ZNF335: variants seen among roughly 807,000 people sequenced by gnomAD.
The protein encoded by ZNF335 is zinc finger protein 335.
In ZNF335, 84 loss-of-function variants were observed where a neutral mutation model predicts 145.6. The observed-to-expected ratio is 0.58, with a 90% CI of 0.48 to 0.69. ZNF335 has a LOEUF of 0.69. Among genes scored for constraint, ZNF335 ranks in the 30% least tolerant of loss-of-function variants. The probability of loss-of-function intolerance (pLI) is 0.00; values close to 1 mark genes in which losing one functional copy is unlikely to be tolerated. For synonymous variants in ZNF335, 761 were observed against 717.0 expected (o/e 1.06, Z -0.98); for missense variants, 1,865 against 1,809.7 (o/e 1.03, Z -0.55).
At position 45,972,046 on chromosome 20, in the gene ZNF335, C is replaced by G. The variant is rs2084083311; in HGVS notation, c.-51+76G>C. On this transcript the variant is annotated intron_variant, in intron 1 of 27. Transcript: ENST00000322927. ...CAGCCCCGCCGGCCTGGGACCTCGCCTCCGGGTATCCCCGCAGTGTGACCT... is the reference window on the plus strand; with the variant it reads ...CAGCCCCGCCGGCCTGGGACCTCGCGTCCGGGTATCCCCGCAGTGTGACCT... The G allele has an allele frequency of 4.0e-6, 5 of 1,257,826 alleles. No homozygotes were observed. The Admixed American group carries it at 1.2e-4, about 31-fold the overall frequency. 77.9% of individuals were successfully genotyped at this position (1,257,826 alleles called of 1,614,324 possible).
chr20:45,971,688 T>C, intron 1 of ZNF335: 7 of 985,430 alleles, frequency 7.1e-6, no homozygotes, highest in Non-Finnish European at 8.4e-6. Context: ...TGGCTGGTAA[T>C]CTTGACCCTT....
chr20:45,967,352 G>A (rs1224880094), intron 6 of ZNF335, 142 bp downstream of exon 6: 1 of 1,331,730 alleles, frequency 7.5e-7, no homozygotes, highest in Non-Finnish European at 1.0e-6. Context: ...TGGTCCCAGA[G>A]CACAACCTCC....
chr20:45,948,914 C>G lies in ZNF335; in HGVS notation c.*39G>C, dbSNP rs368180199. The G allele has an allele frequency of 6.2e-6, 10 of 1,613,098 alleles. No individual in the cohort carries two copies. In the African/African-American group the frequency reaches 6.7e-5, roughly 11 times the overall value. Reference sequence around the variant, plus strand: ...TGGTGGCCCCCTACCCCCAGGAGAGCTGGCCGCAAATCCATGATCTGTGTT... The same window carrying G: ...TGGTGGCCCCCTACCCCCAGGAGAGGTGGCCGCAAATCCATGATCTGTGTT... On this transcript the variant is annotated 3_prime_UTR_variant, in exon 28 of 28. Coordinates refer to ENST00000322927, the MANE Select transcript of ZNF335 (RefSeq NM_022095.4).
intron 17 of ZNF335, 23 bp downstream of exon 17, chr20:45,957,563 G>A: frequency 1.2e-6 from 2 of 1,607,512 alleles, no homozygotes. Flanking sequence ...CTGGGAAGGG[G>A]AGCAGGTTCC....
rs190178539 is a variant in ZNF335 at position 45,959,269 on chromosome 20, T to A, written c.2185A>T (p.Ile729Phe). The A allele has an allele frequency of 6.0e-4, 909 of 1,523,444 alleles. 2 individuals are homozygous for A. The highest frequency in any genetic ancestry group is 4.0e-3 in the Middle Eastern group (23 of 5,694). The allele number at this position is 1,523,444 out of a possible 1,614,324, so 94.4% of individuals were successfully genotyped here. The change falls in exon 15 of 28, where the codon ATT becomes TTT. Residue 729 changes from isoleucine (I) to phenylalanine (F), a missense_variant. Ile to Phe is a conservative substitution (Grantham distance 21, BLOSUM62 0). Coordinates refer to ENST00000322927, the MANE Select transcript of ZNF335 (RefSeq NM_022095.4). The stretch of plus-strand genomic sequence containing the variant: ...CTGTGCTGCTGCTTCAGCTCCTCAA[T>A]CTGCTGCAGAGAGAAGAAGGGGCGA... ...RRRPFFSLQQ[I>F]EELKQQHSAA...
intron 4 of ZNF335, 106 bp downstream of exon 4, chr20:45,968,179 A>G: frequency 1.3e-6 from 2 of 1,496,104 alleles, no homozygotes; most frequent in Non-Finnish European, 1.8e-6. Context: ...GACCCAGAGC[A>G]GTGGATACCC....
In ZNF335 at chr20:45,963,720, C is replaced by G. The variant is rs778769594; in HGVS notation, c.1355+18G>C. The G allele has an allele frequency of 6.2e-7, 1 of 1,614,144 alleles. No homozygotes were observed. Among genetic ancestry groups the G allele is most frequent in the Non-Finnish European group, 8.5e-7 (1 of 1,179,978 alleles). The stretch of plus-strand genomic sequence containing the variant: ...CTTAACCACATGCATGCCCCACCCT[C>G]ACCTCTGCTCCACATACTTGCGGTA... On this transcript the variant is annotated intron_variant, in intron 8 of 27. Transcript: ENST00000322927.
intron 3 of ZNF335, chr20:45,968,921 C>T (rs2084008132): frequency 6.4e-6 from 1 of 155,058 alleles, no homozygotes; most frequent in Non-Finnish European, 1.4e-5. Context: ...TCCCAGCTAC[C>T]CTGGAGGCTG....
At chr20:45,956,248 T>A (rs974425808) in intron 17 of ZNF335, among the ~76,000 whole-genome samples, 4 of 151,712 alleles carry the variant, frequency 2.6e-5, no homozygotes, top group Non-Finnish European at 5.9e-5. Context: ...TTTTTTTTTT[T>A]AGATGGAGTT....
chr20:45,969,833 G>A, intron 2 of ZNF335, 142 bp from the exon 3 acceptor site: 2 of 1,143,082 alleles, frequency 1.7e-6, no homozygotes, highest in Non-Finnish European at 2.4e-6. Context: ...GCCCCACGGA[G>A]GACCAGTGAG....
Position 45,967,783 on chromosome 20 carries a change from G to A in ZNF335, c.765C>T (p.Ser255=), listed in dbSNP as rs2083985513. The A allele has an allele frequency of 6.2e-7, 1 of 1,613,426 alleles. No individual in the cohort carries two copies. Among genetic ancestry groups the A allele is most frequent in the South Asian group, 1.1e-5 (1 of 91,084 alleles). The change falls in exon 5 of 28, where the codon AGC becomes AGT. Residue 255 remains serine, a synonymous_variant. Transcript: ENST00000322927. ...TGTGGCGCAGCAGTGTGGCCTTGGT[G>A]CTGCTCCGGTACTGGCACATCTTGC... ...FKCKMCQYRS[S]TKATLLRHMR...
chr20:45,971,741 G>C, intron 1 of ZNF335: 1 of 985,470 alleles, frequency 1.0e-6, no homozygotes, highest in South Asian at 4.7e-5. Flanking sequence ...CGCTCTGTGA[G>C]CCCCATCCGG....
At chr20:45,965,222 G>C (rs1167328809) in intron 7 of ZNF335, among the ~76,000 whole-genome samples, 1 of 152,056 alleles carries the variant, frequency 6.6e-6, no homozygotes, top group African/African-American at 2.4e-5. Flanking sequence ...GCAGGCGGCA[G>C]AGCTGGTGCT....
Position 45,957,837 on chromosome 20 carries a change from T to G in ZNF335, c.2345A>C (p.Gln782Pro). The G allele has an allele frequency of 6.2e-7, 1 of 1,613,952 alleles. No individual in the cohort carries two copies. Among genetic ancestry groups the G allele is most frequent in the Non-Finnish European group, 8.5e-7 (1 of 1,179,980 alleles). Residue 782 changes from glutamine (Q) to proline (P), a missense_variant and splice_region_variant, in exon 16 of 28, where the codon CAA (glutamine) becomes CCA (proline). Physicochemically the swap from Gln to Pro is moderately conservative, Grantham distance 76 (BLOSUM62 -1). Coordinates refer to ENST00000322927, the MANE Select transcript of ZNF335 (RefSeq NM_022095.4). ...TLGGATIIYQ[Q>P]GAEESTAMAT... ...TCCTATCCTCCTACAGAGCTCACCT[T>G]GCTGGTAGATGATGGTGGCGCCGCC...
chr20:45,949,050 T>G lies in ZNF335; in HGVS notation c.3932A>C (p.Gln1311Pro). ...AVADAAMAQA[Q>P]GLFGTDETVP... is the part of the protein sequence containing the mutation. The stretch of plus-strand genomic sequence containing the variant: ...TGTCTCGTCTGTACCAAACAGGCCC[T>G]GGGCTTGGGCCATGGCAGCATCAGC... Residue 1311 changes from glutamine to proline, a missense_variant, in exon 28 of 28, where the codon CAG becomes CCG. By Grantham distance (76) the Gln-to-Pro change is moderately conservative. Coordinates refer to ENST00000322927, the MANE Select transcript of ZNF335 (RefSeq NM_022095.4). 1 of 1,613,804 alleles carries G rather than the reference T, an allele frequency of 6.2e-7. No individual in the cohort carries two copies. The highest frequency in any genetic ancestry group is 8.5e-7 in the Non-Finnish European group (1 of 1,180,014).
intron 2 of ZNF335, among the ~76,000 whole-genome samples, chr20:45,970,592 G>A (rs2084040738): frequency 6.6e-6 from 1 of 152,130 alleles, no homozygotes; most frequent in African/African-American, 2.4e-5. Context: ...CAGCCAGGAG[G>A]AGATGGTTTA....
At position 45,949,193 on chromosome 20, in the gene ZNF335, G is replaced by T; in HGVS notation, c.3878C>A (p.Ala1293Asp). The T allele has an allele frequency of 1.9e-6, 3 of 1,613,844 alleles. No individual in the cohort carries two copies. The South Asian group carries it at 3.3e-5, about 18-fold the overall frequency. Residue 1293 changes from alanine to aspartate, a missense_variant, in exon 27 of 28, where the codon GCT becomes GAT. By Grantham distance (126) the Ala-to-Asp change is moderately radical. Transcript: ENST00000322927. ...ACCTGTGACAGCTGAGTGTGCTGCAGCCTCAAGTTGAGCCTGTGTGACAAG... is the reference window on the plus strand; with the variant it reads ...ACCTGTGACAGCTGAGTGTGCTGCATCCTCAAGTTGAGCCTGTGTGACAAG... ...QQLVTQAQLE[A>D]AAHSAVTAVA... is the part of the protein sequence containing the mutation.
At position 45,952,132 on chromosome 20, in the gene ZNF335, G is replaced by A; in HGVS notation, c.3189+15C>T. The stretch of plus-strand genomic sequence containing the variant: ...AATGAATGACAGCAGAGACACAGGA[G>A]CAACCAGCACCTACCCGGACCTCGG... On this transcript the variant is annotated intron_variant, in intron 20 of 27. Transcript: ENST00000322927. 1 of 1,573,622 alleles carries A rather than the reference G, an allele frequency of 6.4e-7. No homozygotes were observed. Among genetic ancestry groups the A allele is most frequent in the Non-Finnish European group, 8.6e-7 (1 of 1,158,494 alleles).
Position 45,962,088 on chromosome 20 carries a change from G to T in ZNF335, c.1628C>A (p.Ala543Asp). 1 of 1,520,530 alleles carries T rather than the reference G, an allele frequency of 6.6e-7. No homozygotes were observed. The highest frequency in any genetic ancestry group is 2.6e-5 in the East Asian group (1 of 37,906). 94.2% of individuals were successfully genotyped at this position (1,520,530 alleles called of 1,614,324 possible). The change falls in exon 10 of 28, where the codon GCT becomes GAT. Residue 543 changes from alanine to aspartate, a missense_variant. By Grantham distance (126) the Ala-to-Asp change is moderately radical (BLOSUM62 -2). Transcript: ENST00000322927. ...CACTGACCGGTCCCGGCTGTGCACA[G>T]CGGCGTGCCGAATGACGTCCTTCCG... ...VYRKDVIRHA[A>D]VHSRDRKKRP...
Sources: gnomAD v4.1 joint callset for allele counts (sites outside exome capture counted in the v4.1 genomes callset) on GRCh38, gnomAD v4.1.1 for gene constraint, MANE v1.5 for transcripts, NCBI Gene and HGNC (gene_info 2026-07-23, HGNC 2026-07-21) for gene names.